The following DNAJC6 variants were observed in gnomAD, a reference collection of about 807,000 sequenced individuals.
DNAJC6 encodes DnaJ heat shock protein family (Hsp40) member C6, also known as auxilin.
In DNAJC6, 34 loss-of-function variants were observed where a neutral mutation model predicts 110.0. The ratio of observed to expected loss-of-function variants is 0.31; its 90% CI spans 0.24 to 0.41. The LOEUF is 0.41. Among genes scored for constraint, DNAJC6 ranks in the 10% least tolerant of loss-of-function variants. The pLI, the probability that DNAJC6 is intolerant of heterozygous loss-of-function variation, is 1.00. For synonymous variants in DNAJC6, 406 were observed against 437.2 expected (o/e 0.93, Z 0.89); for missense variants, 1,031 against 1,207.8 (o/e 0.85, Z 2.17).
At chr1:65,325,636 G>A (rs1001969514) in intron 1 of DNAJC6, among the ~76,000 whole-genome samples, 1 of 152,216 alleles carries the variant, frequency 6.6e-6, no homozygotes, top group East Asian at 1.9e-4. Flanking sequence ...AGTTTGATTA[G>A]TACTGGATTC....
At chr1:65,364,833 A>G (rs747038312) in intron 2 of DNAJC6, 48 bp downstream of exon 2, 53 of 1,602,664 alleles carry the variant, frequency 3.3e-5, no homozygotes, top group Admixed American at 5.1e-5. Context: ...ATGCTCTCAA[A>G]GGATCTGGTT....
intron 9 of DNAJC6, 21 bp from the exon 10 acceptor site, chr1:65,389,235 C>G: frequency 6.2e-7 from 1 of 1,603,126 alleles, no homozygotes; most frequent in South Asian, 1.1e-5. Context: ...CTGAATTTAT[C>G]TTTTTTAAAT....
chr1:65,275,411 C>G (rs1364371111), intron 1 of DNAJC6, among the ~76,000 whole-genome samples: 1 of 152,168 alleles, frequency 6.6e-6, no homozygotes, highest in Non-Finnish European at 1.5e-5. Context: ...CCATTGTCTT[C>G]TGGTTTTCAT....
In DNAJC6 at chr1:65,264,977, C is replaced by T. The variant is rs371774282; in HGVS notation, c.-131+45C>T. The T allele has an allele frequency of 2.7e-5, 43 of 1,577,162 alleles. No individual in the cohort carries two copies. The Middle Eastern group carries it at 6.7e-4, about 24-fold the overall frequency. On this transcript the variant is annotated intron_variant, in intron 1 of 19. Transcript: ENST00000263441. ...AAGATGGCTAAGAGAGGGCTAAAGG[C>T]TAAAAGATGCTAGGGATGCGATGTC...
Position 65,414,071 on chromosome 1 carries a change from G to T in DNAJC6, c.*1046G>T, listed in dbSNP as rs1646151165. The T allele has an allele frequency of 6.6e-6, 1 of 152,278 alleles. No individual in the cohort carries two copies. Among genetic ancestry groups the T allele is most frequent in the South Asian group, 2.1e-4 (1 of 4,834 alleles). The allele number at this position is 152,278 out of a possible 1,614,324, so 9.4% of individuals were successfully genotyped here. ...AGTGAGAGAGCTGCACTCACCTGCA[G>T]ACCCAGTCAGATGGCTTGTCAGTAT... On this transcript the variant is annotated 3_prime_UTR_variant, in exon 19 of 19. Transcript: ENST00000371069.
intron 5 of DNAJC6, chr1:65,379,751 TG>T: frequency 2.1e-6 from 1 of 486,698 alleles, no homozygotes; most frequent in Non-Finnish European, 3.5e-6. Context: ...TCACATAGTG[TG>T]GGGACTCTAG....
chr1:65,323,499 T>C (rs1053718701), intron 1 of DNAJC6, among the ~76,000 whole-genome samples: 1 of 152,202 alleles, frequency 6.6e-6, no homozygotes, highest in Non-Finnish European at 1.5e-5. Context: ...CCTGTAGAAC[T>C]GTGAGTCAGT....
intron 1 of DNAJC6, among the ~76,000 whole-genome samples, chr1:65,355,281 A>G (rs895123270): frequency 9.9e-4 from 150 of 152,004 alleles, no homozygotes; most frequent in African/African-American, 3.0e-3. Context: ...AAAAAAAAAA[A>G]AAAAAGAAAA....
At chr1:65,306,299 A>T (rs982511691), upstream of DNAJC6, 3 of 152,168 alleles carry the variant, frequency 2.0e-5, no homozygotes, top group Non-Finnish European at 1.5e-5. Context: ...CGCCCACCTC[A>T]GCCTCCCAAA....
chr1:65,307,254 C>G (rs1379319856), upstream of DNAJC6, among the ~76,000 whole-genome samples: 1 of 151,644 alleles, frequency 6.6e-6, no homozygotes. Flanking sequence ...TTGTATTTTC[C>G]TGCCTTAATA....
chr1:65,384,287 C>G lies in DNAJC6; in HGVS notation c.761C>G (p.Ala254Gly). 1.3e-6 allele frequency: 2 copies of G among 1,582,984 alleles called. No individual in the cohort carries two copies. The highest frequency in any genetic ancestry group is 1.7e-6 in the Non-Finnish European group (2 of 1,166,714). ...GGCCCAGCCATTCGATTGCTATATGCAAAGCGACCAGGAATTGGACTTTCA... is the reference window on the plus strand; with the variant it reads ...GGCCCAGCCATTCGATTGCTATATGGAAAGCGACCAGGAATTGGACTTTCA... ...TPGPAIRLLY[A>G]KRPGIGLSPS... Residue 254 changes from alanine (A) to glycine (G), a missense_variant, in exon 6 of 19, where the codon GCA (alanine) becomes GGA (glycine). Transcript: ENST00000371069.
chr1:65,380,108 C>G (rs916973509), intron 5 of DNAJC6, among the ~76,000 whole-genome samples: 1 of 152,224 alleles, frequency 6.6e-6, no homozygotes, highest in Admixed American at 6.5e-5. Context: ...ACAATACAGA[C>G]ATTCCCATTA....
rs114278529 is a variant in DNAJC6 at position 65,285,628 on chromosome 1, C to T, written c.-131+20696C>T. Among the ~76,000 whole-genome samples the T allele has an allele frequency of 3.1e-3, 475 of 152,148 alleles. 3 individuals are homozygous for T. Among genetic ancestry groups the T allele is most frequent in the African/African-American group, 0.011 (461 of 41,516 alleles). On this transcript the variant is annotated intron_variant, in intron 1 of 19. Transcript: ENST00000263441. ...CTAGTCTCCCATAGCTTTCTCTCCCCGCACTATGATTGTTTTTTCATTTTC... is the reference window on the plus strand; with the variant it reads ...CTAGTCTCCCATAGCTTTCTCTCCCTGCACTATGATTGTTTTTTCATTTTC...
chr1:65,341,728 A>ACG (rs1645390890), intron 1 of DNAJC6, among the ~76,000 whole-genome samples: 1 of 149,710 alleles, frequency 6.7e-6, no homozygotes, highest in Non-Finnish European at 1.5e-5. Flanking sequence ...ATGCTGGTGC[A>ACG]TGTGGCTTTT....
At chr1:65,320,253 G>A (rs527923721) in intron 1 of DNAJC6, among the ~76,000 whole-genome samples, 24 of 152,172 alleles carry the variant, frequency 1.6e-4, no homozygotes, top group African/African-American at 4.6e-4. Flanking sequence ...TCCACAGCCC[G>A]AGAGTATAAG....
intron 18 of DNAJC6, among the ~76,000 whole-genome samples, chr1:65,412,560 T>C (rs1262898313): frequency 6.6e-6 from 1 of 152,198 alleles, no homozygotes; most frequent in East Asian, 1.9e-4. Flanking sequence ...ATTATGACTC[T>C]CAAAGAACTT....
intron 16 of DNAJC6, among the ~76,000 whole-genome samples, chr1:65,407,408 G>A (rs1296291400): frequency 6.6e-6 from 1 of 152,156 alleles, no homozygotes; most frequent in Non-Finnish European, 1.5e-5. Context: ...ATAGGAAGCT[G>A]TGACACAGAT....
intron 1 of DNAJC6, among the ~76,000 whole-genome samples, chr1:65,289,954 C>T (rs530078754): frequency 8.5e-4 from 129 of 151,958 alleles, no homozygotes; most frequent in African/African-American, 3.0e-3. Flanking sequence ...GGATTATAGG[C>T]GCCCACTGCC....
intron 1 of DNAJC6, among the ~76,000 whole-genome samples, chr1:65,281,602 T>C (rs935748470): frequency 1.4e-4 from 21 of 151,098 alleles, no homozygotes; most frequent in African/African-American, 4.9e-4. Flanking sequence ...TTCCATTCCT[T>C]TTAGTTTTTT....
Sources: gnomAD v4.1 joint callset for allele counts (sites outside exome capture counted in the v4.1 genomes callset) on GRCh38, gnomAD v4.1.1 for gene constraint, MANE v1.5 for transcripts, NCBI Gene and HGNC (gene_info 2026-07-23, HGNC 2026-07-21) for gene names.